The following ZNF423 variants were observed in gnomAD, a reference collection of about 807,000 sequenced individuals.
ZNF423 encodes the protein Ebf-associated zinc finger protein.
A neutral mutation model predicts 95.8 loss-of-function variants in ZNF423; 12 were observed. The ratio of observed to expected loss-of-function variants is 0.13; its 90% CI spans 0.08 to 0.20. ZNF423 has a LOEUF of 0.20. ZNF423 is among the 10% of genes least tolerant of loss of function. The pLI is 1.00. For missense variants in ZNF423, 1,316 were observed against 1,737.1 expected (o/e 0.76, Z 4.31); for synonymous variants, 749 against 711.9 (o/e 1.05, Z -0.83).
chr16:49,705,704 C>T (rs554819342), intron 3 of ZNF423, among the ~76,000 whole-genome samples: 17 of 152,252 alleles, frequency 1.1e-4, no homozygotes, highest in Non-Finnish European at 1.6e-4. Flanking sequence ...CCCACCACCA[C>T]GCCAGGCTAA....
intron 5 of ZNF423, among the ~76,000 whole-genome samples, chr16:49,623,269 C>T (rs1435530671): frequency 6.6e-6 from 1 of 152,218 alleles, no homozygotes; most frequent in Non-Finnish European, 1.5e-5. Context: ...TGTCCAGCCC[C>T]CCAGCCAAGG....
intron 3 of ZNF423, among the ~76,000 whole-genome samples, chr16:49,660,961 C>G (rs1350105536): frequency 6.6e-6 from 1 of 152,138 alleles, no homozygotes; most frequent in African/African-American, 2.4e-5. Flanking sequence ...TGACTCACAC[C>G]TATAATCCCA....
intron 7 of ZNF423, among the ~76,000 whole-genome samples, chr16:49,498,094 G>A (rs1373634898): frequency 6.6e-6 from 1 of 152,202 alleles, no homozygotes; most frequent in African/African-American, 2.4e-5. Context: ...ACAGCACGAA[G>A]GTGGGAATGG....
chr16:49,558,314 T>C (rs926738605), intron 5 of ZNF423, among the ~76,000 whole-genome samples: 1 of 152,158 alleles, frequency 6.6e-6, no homozygotes, highest in Non-Finnish European at 1.5e-5. Context: ...GCACTTAAAC[T>C]CTGCTTGGCA....
At chr16:49,626,626 C>T (rs1340315470) in intron 4 of ZNF423, among the ~76,000 whole-genome samples, 1 of 151,276 alleles carries the variant, frequency 6.6e-6, no homozygotes, top group East Asian at 2.0e-4. Context: ...TCTACATACA[C>T]AATCACCCAT....
chr16:49,508,347 C>T (rs1157869916), intron 7 of ZNF423, among the ~76,000 whole-genome samples: 3 of 151,856 alleles, frequency 2.0e-5, no homozygotes, highest in Non-Finnish European at 4.4e-5. Context: ...ATAGTGAACC[C>T]TATCTTTACA....
intron 3 of ZNF423, among the ~76,000 whole-genome samples, chr16:49,652,292 G>C (rs945911855): frequency 1.8e-4 from 28 of 151,860 alleles, no homozygotes; most frequent in Admixed American, 5.2e-4. Context: ...ACTTAGCACT[G>C]ATATTGAAAA....
chr16:49,843,591 A>G (rs2035213286), intron 1 of ZNF423, among the ~76,000 whole-genome samples: 1 of 152,236 alleles, frequency 6.6e-6, no homozygotes, highest in African/African-American at 2.4e-5. Context: ...AAACATAGAA[A>G]ACTAGGAAAC....
chr16:49,609,274 G>C (rs1971640554), intron 5 of ZNF423, among the ~76,000 whole-genome samples: 1 of 152,106 alleles, frequency 6.6e-6, no homozygotes, highest in African/African-American at 2.4e-5. Context: ...GTTTAAATAA[G>C]ATCCACAGTG....
chr16:49,715,840 C>T (rs1041827371), intron 3 of ZNF423, among the ~76,000 whole-genome samples: 9 of 151,862 alleles, frequency 5.9e-5, no homozygotes, highest in Admixed American at 3.9e-4. Context: ...GAGTTCAAGA[C>T]CAACCTGGGC....
chr16:49,858,717 G>GCCCCCCC (rs35734564), upstream of ZNF423, among the ~76,000 whole-genome samples: 1 of 132,802 alleles, frequency 7.5e-6, no homozygotes, highest in Non-Finnish European at 1.7e-5. The surrounding 1 kb of genome is among the most constrained non-coding windows in gnomAD (Gnocchi z 4.3). Context: ...GGGAATAGGA[G>GCCCCCCC]CCCCCCCCCC....
upstream of ZNF423, chr16:49,857,750 C>T (rs116109190): frequency 6.6e-6 from 1 of 152,442 alleles, no homozygotes; most frequent in African/African-American, 2.4e-5. This position sits in a 1 kb window ranked among gnomAD's most constrained non-coding sequence, Gnocchi z 6.2. Flanking sequence ...CCCCTGAGAC[C>T]TTGCAGGAGC....
chr16:49,743,369 T>C (rs1281270774), intron 2 of ZNF423, among the ~76,000 whole-genome samples: 1 of 152,138 alleles, frequency 6.6e-6, no homozygotes, highest in Non-Finnish European at 1.5e-5. Context: ...TTTTATTTGC[T>C]GGATGTGCGA....
rs116322151 is a variant in ZNF423, at chr16:49,721,011, T to C, written c.301+9760A>G. 3.6e-3 allele frequency among the ~76,000 whole-genome samples: 556 copies of C among 152,344 alleles called. 2 individuals carry two copies. Among genetic ancestry groups the C allele is most frequent in the African/African-American group, 0.013 (538 of 41,568 alleles). ...AAGAGGCTGCTCATTCCATTGTCACTGCTGAGTCGAAAAGGTGGAGCCTGG... is the reference window on the plus strand; with the variant it reads ...AAGAGGCTGCTCATTCCATTGTCACCGCTGAGTCGAAAAGGTGGAGCCTGG... On this transcript the variant is annotated intron_variant, in intron 3 of 7. Transcript: ENST00000563137.
At chr16:49,856,304 A>C (rs2035369277), upstream of ZNF423, among the ~76,000 whole-genome samples, 2 of 145,948 alleles carry the variant, frequency 1.4e-5, no homozygotes, top group South Asian at 4.5e-4. Flanking sequence ...CCGGCCACGC[A>C]GCCCGGTGCG....
chr16:49,629,072 C>T (rs1331880952), intron 4 of ZNF423, among the ~76,000 whole-genome samples: 2 of 152,066 alleles, frequency 1.3e-5, no homozygotes, highest in Non-Finnish European at 2.9e-5. Flanking sequence ...GGTCCCAGGC[C>T]CAACCCTCAA....
At chr16:49,616,342 A>C (rs765011158) in intron 5 of ZNF423, among the ~76,000 whole-genome samples, 10 of 152,058 alleles carry the variant, frequency 6.6e-5, no homozygotes, top group Non-Finnish European at 1.3e-4. Context: ...GCAGGGAGGG[A>C]GGGGAAGTGG....
At chr16:49,774,560 C>T (rs944905784) in intron 2 of ZNF423, among the ~76,000 whole-genome samples, 10 of 152,336 alleles carry the variant, frequency 6.6e-5, no homozygotes, top group South Asian at 2.1e-4. Flanking sequence ...GAGCCCTCTA[C>T]GCATTCTGAG....
rs138278000 is a variant in ZNF423 at position 49,636,965 on chromosome 16, G to A, written c.2211C>T (p.Phe737=). Residue 737 remains phenylalanine, a synonymous_variant, in exon 4 of 8, where the codon TTC becomes TTT. Transcript: ENST00000563137. This position sits in a 1 kb window ranked among gnomAD's most constrained non-coding sequence, Gnocchi z 8.6. ...LYHCTLCQEV[F]DSKVSIQVHL... ...GCACCTGGATGGACACCTTGGAGTC[G>A]AAGACCTCCTGACACAGGGTGCAGT... 21 of 1,613,670 alleles carry A rather than the reference G, an allele frequency of 1.3e-5. No individual in the cohort carries two copies. The African/African-American group carries it at 1.6e-4, about 12-fold the overall frequency.
Sources: allele counts gnomAD v4.1 joint callset (sites outside exome capture counted in the v4.1 genomes callset), GRCh38; gene constraint gnomAD v4.1.1; non-coding constraint Gnocchi (gnomAD v3.1); transcripts MANE v1.5; gene names NCBI Gene and HGNC (gene_info 2026-07-23, HGNC 2026-07-21).